The following PYGO1 variants were observed in gnomAD, a reference collection of about 807,000 sequenced individuals.
The protein encoded by PYGO1 is pygopus homolog 1.
PYGO1 carries 6 observed loss-of-function variants against 29.5 expected under a neutral mutation model. The observed-to-expected ratio is 0.20, with a 90% CI of 0.11 to 0.40. PYGO1 has a LOEUF of 0.40. Ranked by LOEUF, PYGO1 falls within the 10% of genes least tolerant of loss-of-function variation. PYGO1 has a pLI of 1.00. For synonymous variants in PYGO1, 186 were observed against 180.5 expected, an observed-to-expected ratio of 1.03 and a Z score of -0.24; for missense variants, 515 against 514.9, an observed-to-expected ratio of 1.00 and a Z score of 0.00.
At chr15:55,557,028 CCAGACAGATTTA>C (rs763162153) in intron 1 of PYGO1, among the ~76,000 whole-genome samples, 7 of 151,584 alleles carry the variant, frequency 4.6e-5, no homozygotes, top group Non-Finnish European at 7.4e-5. Context: ...AAGCCCAGGA[CCAGACAGATTTA>C]CAGCCAAATT....
chr15:55,567,911 T>C (rs1348078754), intron 1 of PYGO1, among the ~76,000 whole-genome samples: 1 of 152,212 alleles, frequency 6.6e-6, no homozygotes, highest in Admixed American at 6.5e-5. Flanking sequence ...AGTATGTGGC[T>C]TTATTTCTAG....
intron 1 of PYGO1, among the ~76,000 whole-genome samples, chr15:55,549,223 GTCTC>G (rs547949258): frequency 6.4e-4 from 98 of 152,152 alleles, no homozygotes; most frequent in Admixed American, 5.9e-3. Flanking sequence ...GAAAAAGCAA[GTCTC>G]TCTCTCTCAC....
intron 1 of PYGO1, among the ~76,000 whole-genome samples, chr15:55,566,799 C>T (rs1458974636): frequency 6.6e-6 from 1 of 152,202 alleles, no homozygotes; most frequent in African/African-American, 2.4e-5. Context: ...GGCGTGATCA[C>T]AGCTGACTAC....
intron 1 of PYGO1, among the ~76,000 whole-genome samples, chr15:55,582,206 C>CAAAAAA (rs58715888): frequency 3.8e-5 from 4 of 104,034 alleles, no homozygotes; most frequent in African/African-American, 1.2e-4. Flanking sequence ...GGCTCCATCT[C>CAAAAAA]AAAAAAAAAA....
In PYGO1 at chr15:55,543,857, CATT is replaced by C. The variant is rs1261148593; in HGVS notation, c.*2163_*2165del. 1 of 152,140 alleles carries C rather than the reference CATT, an allele frequency of 6.6e-6. No homozygotes were observed. Among genetic ancestry groups the C allele is most frequent in the African/African-American group, 2.4e-5 (1 of 41,426 alleles). The allele number at this position is 152,140 out of a possible 1,614,324, so 9.4% of individuals were successfully genotyped here. ...GCATCATTTATTAAAAATCAGCACT[CATT>C]AAACTTTCAGGAGCAACATAACTAG... is the stretch of plus-strand genomic sequence containing the variant. On this transcript the variant is annotated 3_prime_UTR_variant, in exon 3 of 3. Transcript: ENST00000563719.
In PYGO1 at chr15:55,544,377, T is replaced by C. The variant is rs1469014357; in HGVS notation, c.*1646A>G. On this transcript the variant is annotated 3_prime_UTR_variant, in exon 3 of 3. Transcript: ENST00000563719. Reference sequence around the variant, plus strand: ...TCATCTCGATTGGGGAATGCATTGTTTCTTAGAAAAAGCTCCAAATGATAG... The same window carrying C: ...TCATCTCGATTGGGGAATGCATTGTCTCTTAGAAAAAGCTCCAAATGATAG... The C allele has an allele frequency of 6.6e-6, 1 of 152,156 alleles. No homozygotes were observed. Among genetic ancestry groups the C allele is most frequent in the African/African-American group, 2.4e-5 (1 of 41,430 alleles). The allele number at this position is 152,156 out of a possible 1,614,324, so 9.4% of individuals were successfully genotyped here. A position where few individuals can be genotyped will look rare whatever the true frequency, so the allele number is the denominator to read the frequency against.
At position 55,571,729 on chromosome 15, in the gene PYGO1, G is replaced by A. The variant is rs115682639; in HGVS notation, c.49+16106C>T. 6.3e-3 allele frequency among the ~76,000 whole-genome samples: 954 copies of A among 152,202 alleles called. 8 individuals carry two copies. The highest frequency in any genetic ancestry group is 0.022 in the African/African-American group (915 of 41,526). ...CTATAAATCATCCAGTCTTGGGTAT[G>A]TCTTTATCAGCAGCGTGAAAATCAT... is the stretch of plus-strand genomic sequence containing the variant. On this transcript the variant is annotated intron_variant, in intron 1 of 2. Transcript: ENST00000563719.
intron 2 of PYGO1, among the ~76,000 whole-genome samples, chr15:55,548,067 T>C (rs1214941398): frequency 6.6e-6 from 1 of 152,158 alleles, no homozygotes; most frequent in Non-Finnish European, 1.5e-5. Context: ...TCACCAAGGC[T>C]GGAGTGCAGT....
chr15:55,583,072 C>G (rs1170156377), intron 1 of PYGO1, among the ~76,000 whole-genome samples: 1 of 152,138 alleles, frequency 6.6e-6, no homozygotes, highest in Non-Finnish European at 1.5e-5. Flanking sequence ...CTTCCTTCTT[C>G]ATCTCTAAAT....
At chr15:55,549,702 C>T (rs1203284413) in intron 1 of PYGO1, among the ~76,000 whole-genome samples, 1 of 152,142 alleles carries the variant, frequency 6.6e-6, no homozygotes, top group Non-Finnish European at 1.5e-5. Context: ...CCAAATATTG[C>T]TTTCTCAACA....
intron 1 of PYGO1, among the ~76,000 whole-genome samples, chr15:55,579,913 T>C (rs535305560): frequency 2.1e-4 from 32 of 152,174 alleles, no homozygotes; most frequent in African/African-American, 7.0e-4. Context: ...TTTTTGAACA[T>C]TGAGTTTTAT....
chr15:55,566,060 C>T (rs1339772966), intron 1 of PYGO1, among the ~76,000 whole-genome samples: 2 of 152,306 alleles, frequency 1.3e-5, no homozygotes, highest in African/African-American at 2.4e-5. Context: ...GGATTACAGG[C>T]GTGAGCCACC....
At chr15:55,548,707 TAAAA>T (rs60796044) in intron 2 of PYGO1, among the ~76,000 whole-genome samples, 199 bp downstream of exon 2, 2 of 55,446 alleles carry the variant, frequency 3.6e-5, no homozygotes, top group African/African-American at 8.3e-5. Context: ...AGAATCCACC[TAAAA>T]AAAAAAAAAA....
At chr15:55,556,079 C>A (rs2141654104) in intron 1 of PYGO1, among the ~76,000 whole-genome samples, 1 of 152,146 alleles carries the variant, frequency 6.6e-6, no homozygotes, top group Middle Eastern at 3.4e-3. Context: ...ACCCCACTGA[C>A]AATATCAGAC....
At position 55,538,987 on chromosome 15, in the gene PYGO1, T is replaced by A. The variant is rs2058818131; in HGVS notation, c.*7036A>T. ...ATTATTCAAGAAAGCCTGCCATACA[T>A]CATTTCTACTAATGGTAGGTCTATA... is the stretch of plus-strand genomic sequence containing the variant. On this transcript the variant is annotated 3_prime_UTR_variant, in exon 3 of 3. Transcript: ENST00000563719. 1.3e-5 allele frequency: 2 copies of A among 152,192 alleles called. No homozygotes were observed. Among genetic ancestry groups the A allele is most frequent in the African/African-American group, 2.4e-5 (1 of 41,450 alleles). 9.4% of individuals were successfully genotyped at this position (152,192 alleles called of 1,614,324 possible). A position where few individuals can be genotyped will look rare whatever the true frequency, so the allele number is the denominator to read the frequency against.
chr15:55,546,519 G>C lies in PYGO1; in HGVS notation c.764C>G (p.Ala255Gly), dbSNP rs957073068. The C allele has an allele frequency of 1.2e-6, 2 of 1,614,074 alleles. No individual in the cohort carries two copies. The highest frequency in any genetic ancestry group is 8.5e-7 in the Non-Finnish European group (1 of 1,180,022). The change falls in exon 3 of 3, where the codon GCT (alanine) becomes GGT (glycine). Residue 255 changes from alanine (A) to glycine (G), a missense_variant. Coordinates refer to ENST00000563719, the MANE Select transcript of PYGO1 (RefSeq NM_001367806.1). ...ATCCATATTCAAGTGAGGTGGATGA[G>C]CAGAGGAATTTTGATTAGTGTTTTT... ...ATKNTNQNSS[A>G]HPPHLNMDDT...
chr15:55,566,111 G>A (rs528147142), intron 1 of PYGO1, among the ~76,000 whole-genome samples: 68 of 152,240 alleles, frequency 4.5e-4, no homozygotes, highest in Non-Finnish European at 8.8e-4. Flanking sequence ...TAGATTTGGG[G>A]AGTACATGGG....
Position 55,545,984 on chromosome 15 carries a change from T to C in PYGO1, c.*39A>G, listed in dbSNP as rs759039758. The C allele has an allele frequency of 2.6e-6, 4 of 1,520,232 alleles. No homozygotes were observed. The highest frequency in any genetic ancestry group is 2.8e-5 in the African/African-American group (2 of 72,032). 94.2% of individuals were successfully genotyped at this position (1,520,232 alleles called of 1,614,324 possible). A position where few individuals can be genotyped will look rare whatever the true frequency, so the allele number is the denominator to read the frequency against. The stretch of plus-strand genomic sequence containing the variant: ...ATCCTGTGTCAATGAACTTCTGCAA[T>C]GCACAGGAAAATAAACCCACTTTAG... On this transcript the variant is annotated 3_prime_UTR_variant, in exon 3 of 3. Transcript: ENST00000563719.
intron 1 of PYGO1, among the ~76,000 whole-genome samples, chr15:55,556,110 T>C (rs956905736): frequency 1.3e-5 from 2 of 151,936 alleles, no homozygotes; most frequent in African/African-American, 4.8e-5. Flanking sequence ...GACACAAAAT[T>C]AACAAAGATA....
Sources: gnomAD v4.1 joint callset for allele counts (sites outside exome capture counted in the v4.1 genomes callset) on GRCh38, gnomAD v4.1.1 for gene constraint, MANE v1.5 for transcripts, NCBI Gene and HGNC (gene_info 2026-07-23, HGNC 2026-07-21) for gene names.